The following ETFA variants were observed in gnomAD, a reference collection of about 807,000 sequenced individuals.
ETFA encodes the protein electron transfer flavoprotein subunit alpha, also known as electron transfer flavoprotein subunit alpha, mitochondrial.
ETFA carries 22 observed loss-of-function variants against 46.2 expected under a neutral mutation model. The ratio of observed to expected loss-of-function variants is 0.48; its 90% CI spans 0.34 to 0.68. The LOEUF is 0.68. Ranked by LOEUF, ETFA falls within the 30% of genes least tolerant of loss-of-function variation. ETFA has a pLI of 0.01. For missense variants in ETFA, 345 were observed against 401.1 expected (o/e 0.86, Z 1.19); for synonymous variants, 131 against 139.9 (o/e 0.94, Z 0.45).
intron 9 of ETFA, among the ~76,000 whole-genome samples, chr15:76,254,177 T>C (rs2039327992): frequency 6.6e-6 from 1 of 152,124 alleles, no homozygotes; most frequent in Non-Finnish European, 1.5e-5. Flanking sequence ...TCTTTTTGGT[T>C]GAGGAAACAC....
intron 8 of ETFA, among the ~76,000 whole-genome samples, chr15:76,280,858 C>A (rs2039641441): frequency 6.6e-6 from 1 of 151,262 alleles, no homozygotes; most frequent in Non-Finnish European, 1.5e-5. Context: ...CTGGAACACT[C>A]TCCCTCAGAT....
At chr15:76,300,366 C>T (rs981171909) in intron 1 of ETFA, among the ~76,000 whole-genome samples, 2 of 152,114 alleles carry the variant, frequency 1.3e-5, no homozygotes, top group African/African-American at 4.8e-5. Context: ...CTCCAGACTT[C>T]GATCTGCCCC....
At chr15:76,246,910 C>T (rs1029806475) in intron 9 of ETFA, among the ~76,000 whole-genome samples, 1 of 151,894 alleles carries the variant, frequency 6.6e-6, no homozygotes, top group African/African-American at 2.4e-5. Context: ...GAAGATATGT[C>T]TGTGTATGTA....
At chr15:76,235,216 G>A (rs1402481699) in intron 9 of ETFA, among the ~76,000 whole-genome samples, 3 of 152,164 alleles carry the variant, frequency 2.0e-5, no homozygotes, top group Admixed American at 6.5e-5. Flanking sequence ...ACACATTGAT[G>A]TGTCACTCAC....
chr15:76,257,458 C>T (rs1258681832), intron 9 of ETFA, among the ~76,000 whole-genome samples: 3 of 152,160 alleles, frequency 2.0e-5, no homozygotes, highest in African/African-American at 7.2e-5. Flanking sequence ...CAAATCAAAA[C>T]CACAATGAGA....
chr15:76,287,233 A>T (rs1173081051), intron 5 of ETFA, among the ~76,000 whole-genome samples: 1 of 152,162 alleles, frequency 6.6e-6, no homozygotes, highest in Non-Finnish European at 1.5e-5. Context: ...GCATGATCAC[A>T]ACTCACCATA....
intron 8 of ETFA, among the ~76,000 whole-genome samples, chr15:76,278,336 A>G (rs747319348): frequency 3.3e-5 from 5 of 152,158 alleles, no homozygotes; most frequent in Non-Finnish European, 5.9e-5. Context: ...CTACAATTCT[A>G]TTAACTCTCC....
intron 9 of ETFA, among the ~76,000 whole-genome samples, chr15:76,235,113 G>T (rs1197397953): frequency 6.6e-6 from 1 of 152,172 alleles, no homozygotes; most frequent in Non-Finnish European, 1.5e-5. Flanking sequence ...CTATGCCTCA[G>T]ACTGCTCATC....
At chr15:76,261,643 C>T (rs962957170) in intron 9 of ETFA, 19 of 386,934 alleles carry the variant, frequency 4.9e-5, no homozygotes, top group South Asian at 1.2e-4. Context: ...GCTGCTGTGG[C>T]GGCAGCAGCA....
At chr15:76,262,688 A>T (rs2957035) in intron 9 of ETFA, among the ~76,000 whole-genome samples, 148,784 of 152,028 alleles carry the variant, frequency 0.98, 72,886 homozygotes, top group South Asian at 1. Context: ...TTCACCGTGT[A>T]ATCCAGGATG....
chr15:76,258,966 T>G, intron 9 of ETFA: 1 of 1,569,222 alleles, frequency 6.4e-7, no homozygotes, highest in Non-Finnish European at 8.8e-7. Context: ...CAAATTGCCC[T>G]GATGCCCTCT....
intron 9 of ETFA, chr15:76,258,876 A>C: frequency 1.4e-6 from 1 of 733,498 alleles, no homozygotes; most frequent in Non-Finnish European, 2.3e-6. Flanking sequence ...GAGGACTACC[A>C]CAGGAGCCTC....
intron 9 of ETFA, among the ~76,000 whole-genome samples, chr15:76,251,534 G>A (rs1400775975): frequency 6.6e-6 from 1 of 152,140 alleles, no homozygotes; most frequent in Non-Finnish European, 1.5e-5. Context: ...GTAGAGATCT[G>A]GGGCTATGCA....
intron 9 of ETFA, among the ~76,000 whole-genome samples, chr15:76,273,562 C>CA (rs1043046298): frequency 7.3e-5 from 11 of 149,808 alleles, no homozygotes; most frequent in African/African-American, 2.5e-4. Flanking sequence ...TCAAACAAAA[C>CA]AAAACAAAAC....
chr15:76,234,711 T>G (rs1238299207), intron 9 of ETFA, among the ~76,000 whole-genome samples: 2 of 152,182 alleles, frequency 1.3e-5, no homozygotes, highest in Non-Finnish European at 2.9e-5. Context: ...GCAGTCTGAG[T>G]TGATCACTCT....
chr15:76,291,112 A>C (rs2039757182), intron 4 of ETFA, among the ~76,000 whole-genome samples: 1 of 152,072 alleles, frequency 6.6e-6, no homozygotes, highest in African/African-American at 2.4e-5. Flanking sequence ...GCTACTCAGA[A>C]GGCTAGGATA....
At chr15:76,230,549 G>A (rs2039056889) in intron 10 of ETFA, 1 of 82,624 alleles carries the variant, frequency 1.2e-5, no homozygotes, top group Non-Finnish European at 2.4e-5. Flanking sequence ...CCCGGTTCAC[G>A]CCATTCTCCT....
intron 6 of ETFA, 54 bp downstream of exon 6, chr15:76,286,317 C>A: frequency 1.0e-6 from 1 of 952,914 alleles, no homozygotes; most frequent in South Asian, 1.4e-5. Flanking sequence ...ATAATACAGT[C>A]TATGAATTAA....
rs149711306 is a variant in ETFA, at chr15:76,310,834, C to T, written c.39+516G>A. Among the ~76,000 whole-genome samples, 1,097 of 151,862 alleles carry T rather than the reference C, an allele frequency of 7.2e-3. 18 individuals carry two copies. Among genetic ancestry groups the T allele is most frequent in the African/African-American group, 0.025 (1,043 of 41,122 alleles). On this transcript the variant is annotated intron_variant, in intron 1 of 11. Transcript: ENST00000557943. ...CAGAACCAGCTTCCATAACTGGCCACGCAGCCTCCCACCCCACCCCACCCC... is the reference window on the plus strand; with the variant it reads ...CAGAACCAGCTTCCATAACTGGCCATGCAGCCTCCCACCCCACCCCACCCC...
Sources: gnomAD v4.1 joint callset for allele counts (sites outside exome capture counted in the v4.1 genomes callset) on GRCh38, gnomAD v4.1.1 for gene constraint, MANE v1.5 for transcripts, NCBI Gene and HGNC (gene_info 2026-07-23, HGNC 2026-07-21) for gene names.